Variants in DHRS1 observed in about 807,000 individuals in gnomAD.
DHRS1 encodes the protein dehydrogenase/reductase 1, also known as dehydrogenase/reductase SDR family member 1.
Under a neutral mutation model 35.2 loss-of-function variants are expected in DHRS1, and 34 were observed. The observed-to-expected ratio is 0.97, with a 90% confidence interval of 0.74 to 1.29. The LOEUF (loss-of-function observed/expected upper bound fraction) is 1.29, where lower values mean the gene tolerates loss of function less well. Among genes scored for constraint, DHRS1 ranks in the 50% most tolerant of loss-of-function variants. The pLI, the probability that DHRS1 is intolerant of heterozygous loss-of-function variation, is 0.00. For missense variants in DHRS1, 354 were observed against 403.6 expected (o/e 0.88, Z 1.05); for synonymous variants, 133 against 160.0 (o/e 0.83, Z 1.27).
chr14:24,298,953 T>G lies in DHRS1; in HGVS notation c.150+4A>C, dbSNP rs906596572. 1 of 1,600,760 alleles carries G rather than the reference T, an allele frequency of 6.2e-7. No homozygotes were observed. The highest frequency in any genetic ancestry group is 1.3e-5 in the African/African-American group (1 of 74,756). On this transcript the variant is annotated splice_donor_region_variant and intron_variant, in intron 2 of 8. Transcript: ENST00000288111. Reference sequence around the variant, plus strand: ...GCAACTGTGGTCCCAGAGGAAGCACTCACCTCCTGAGCAACAACGCGAAGG... The same window carrying G: ...GCAACTGTGGTCCCAGAGGAAGCACGCACCTCCTGAGCAACAACGCGAAGG...
chr14:24,293,167 T>G (rs2041191852), intron 4 of DHRS1: 1 of 181,244 alleles, frequency 5.5e-6, no homozygotes, highest in African/African-American at 2.4e-5. Context: ...ATGTAAATCA[T>G]CATTTCTATG....
At chr14:24,298,130 C>G (rs781576131) in intron 2 of DHRS1, among the ~76,000 whole-genome samples, 1 of 152,180 alleles carries the variant, frequency 6.6e-6, no homozygotes, top group Non-Finnish European at 1.5e-5. Context: ...ACTGCAACCT[C>G]GAACTCCTGG....
intron 4 of DHRS1, 95 bp from the exon 5 acceptor site, chr14:24,292,879 T>C: frequency 6.8e-7 from 1 of 1,471,098 alleles, no homozygotes; most frequent in Non-Finnish European, 9.0e-7. Context: ...CTGGTGGTTG[T>C]TGTCCACTAG....
rs183728955 is a variant in DHRS1, at chr14:24,298,810, C to G, written c.150+147G>C. 2.9e-6 allele frequency: 3 copies of G among 1,032,348 alleles called. No homozygotes were observed. The African/African-American group carries it at 5.0e-5, about 17-fold the overall frequency. The allele number at this position is 1,032,348 out of a possible 1,614,324, so 63.9% of individuals were successfully genotyped here. A position where few individuals can be genotyped will look rare whatever the true frequency, so the allele number is the denominator to read the frequency against. On this transcript the variant is annotated intron_variant, in intron 2 of 8. Coordinates refer to ENST00000288111, the MANE Select transcript of DHRS1 (RefSeq NM_001136050.3). ...ATTCTACCTTACCTGAAGTTATTTA[C>G]GGGGTTTTTAATTTCCACTTTGAAT...
rs575472175 is a variant in DHRS1, at chr14:24,291,092, A to G, written c.805+47T>C. 1.4e-5 allele frequency: 22 copies of G among 1,613,154 alleles called. No individual in the cohort carries two copies. The South Asian group carries it at 2.1e-4, about 15-fold the overall frequency. On this transcript the variant is annotated intron_variant, in intron 8 of 8. Coordinates refer to ENST00000288111, the MANE Select transcript of DHRS1 (RefSeq NM_001136050.3). ...AGACCGAGGGAGGAGTGGGCAGGGAACAGAGGGAACAGCAGTCAAGGCTGA... is the reference window on the plus strand; with the variant it reads ...AGACCGAGGGAGGAGTGGGCAGGGAGCAGAGGGAACAGCAGTCAAGGCTGA...
intron 2 of DHRS1, among the ~76,000 whole-genome samples, chr14:24,298,441 C>G (rs1000935069): frequency 7.2e-5 from 11 of 152,140 alleles, no homozygotes; most frequent in African/African-American, 2.7e-4. Flanking sequence ...CATGGATACT[C>G]AAATATTTAT....
chr14:24,296,948 A>G, intron 2 of DHRS1, 67 bp from the exon 3 acceptor site: 6 of 1,605,008 alleles, frequency 3.7e-6, no homozygotes, highest in Non-Finnish European at 5.1e-6. Flanking sequence ...AAACTCCCCA[A>G]CCAAAGTGGG....
In DHRS1 at chr14:24,290,659, TAAAA is replaced by T; in HGVS notation, c.*196_*199del. On this transcript the variant is annotated 3_prime_UTR_variant, in exon 9 of 9. Coordinates refer to ENST00000288111, the MANE Select transcript of DHRS1 (RefSeq NM_001136050.3). ...CATTTTTCAATACTAAGGCAAAAAGTAAAAAGAAGGACAAGGAAAACCAAGGCAC... is the reference window on the plus strand; with the variant it reads ...CATTTTTCAATACTAAGGCAAAAAGTAGAAGGACAAGGAAAACCAAGGCAC... 1.8e-6 allele frequency: 1 copy of T among 571,242 alleles called. No homozygotes were observed. Among genetic ancestry groups the T allele is most frequent in the South Asian group, 2.5e-5 (1 of 40,150 alleles). 35.4% of individuals were successfully genotyped at this position (571,242 alleles called of 1,614,324 possible). A position where few individuals can be genotyped will look rare whatever the true frequency, so the allele number is the denominator to read the frequency against.
chr14:24,290,898 C>T lies in DHRS1; in HGVS notation c.903G>A (p.Val301=). Residue 301 remains valine, a synonymous_variant, in exon 9 of 9, where the codon GTG becomes GTA. Coordinates refer to ENST00000288111, the MANE Select transcript of DHRS1 (RefSeq NM_001136050.3). The part of the protein sequence containing the change: ...LASYLPSFLR[V]PKWIIALYTS... ...TGTAGAGGGCAATAATCCACTTGGGCACACGGAGGAAGGAGGGCAGGTAGG... is the reference window on the plus strand; with the variant it reads ...TGTAGAGGGCAATAATCCACTTGGGTACACGGAGGAAGGAGGGCAGGTAGG... 6.2e-7 allele frequency: 1 copy of T among 1,613,880 alleles called. No individual in the cohort carries two copies. The highest frequency in any genetic ancestry group is 8.5e-7 in the Non-Finnish European group (1 of 1,179,954).
intron 8 of DHRS1, 24 bp downstream of exon 8, chr14:24,291,114 CT>C: frequency 6.2e-7 from 1 of 1,612,774 alleles, no homozygotes; most frequent in Non-Finnish European, 8.5e-7. Context: ...GCAGTCAAGG[CT>C]GACTGCTGTG....
rs2041179156 is a variant in DHRS1 at position 24,292,540 on chromosome 14, G to T, written c.507+112C>A. The T allele has an allele frequency of 2.5e-6, 4 of 1,574,258 alleles. No individual in the cohort carries two copies. The South Asian group carries it at 3.4e-5, about 13-fold the overall frequency. ...ACTGTCCATGGATGAGGCAGAGGAGGAGCTGAGAGGAGCCAGCCTTACCAT... is the reference window on the plus strand; with the variant it reads ...ACTGTCCATGGATGAGGCAGAGGAGTAGCTGAGAGGAGCCAGCCTTACCAT... On this transcript the variant is annotated intron_variant, in intron 5 of 8. Coordinates refer to ENST00000288111, the MANE Select transcript of DHRS1 (RefSeq NM_001136050.3).
chr14:24,291,535 C>T, intron 7 of DHRS1, 21 bp downstream of exon 7: 2 of 1,613,924 alleles, frequency 1.2e-6, no homozygotes, highest in South Asian at 1.1e-5. Flanking sequence ...TTTCTTATTA[C>T]CAGCTGCCCC....
chr14:24,298,957 C>T lies in DHRS1; in HGVS notation c.150G>A (p.Glu50=), dbSNP rs74731195. 3 of 1,605,256 alleles carry T rather than the reference C, an allele frequency of 1.9e-6. No individual in the cohort carries two copies. The highest frequency in any genetic ancestry group is 1.1e-5 in the South Asian group (1 of 90,712). The part of the protein sequence containing the change: ...HLDTLRVVAQ[E]AQSLGGQCVP... ...CTGTGGTCCCAGAGGAAGCACTCAC[C>T]TCCTGAGCAACAACGCGAAGGGTGT... Residue 50 remains glutamate, a splice_region_variant and synonymous_variant, in exon 2 of 9, where the codon GAG becomes GAA. Transcript: ENST00000288111.
Position 24,296,828 on chromosome 14 carries a change from C to G in DHRS1, c.204G>C (p.Glu68Asp), listed in dbSNP as rs2139101252. The G allele has an allele frequency of 6.2e-7, 1 of 1,614,272 alleles. No homozygotes were observed. The change falls in exon 3 of 9, where the codon GAG (glutamate) becomes GAC (aspartate). Residue 68 changes from glutamate (E) to aspartate (D), a missense_variant. Physicochemically the swap from Glu to Asp is conservative, Grantham distance 45. Coordinates refer to ENST00000288111, the MANE Select transcript of DHRS1 (RefSeq NM_001136050.3). ...GCTCAAACAGGCTTCGCACTTCACT[C>G]TCCTGGCTTGAATCGCACACCACAG... ...CVPVVCDSSQ[E>D]SEVRSLFEQV...
chr14:24,297,434 G>T (rs906945420), intron 2 of DHRS1, among the ~76,000 whole-genome samples: 1 of 152,168 alleles, frequency 6.6e-6, no homozygotes, highest in African/African-American at 2.4e-5. Flanking sequence ...CAACTTCAGA[G>T]GAAGAAGAGT....
At position 24,290,990 on chromosome 14, in the gene DHRS1, G is replaced by A. The variant is rs574079507; in HGVS notation, c.811C>T (p.Pro271Ser). 6.2e-7 allele frequency: 1 copy of A among 1,614,118 alleles called. No individual in the cohort carries two copies. Among genetic ancestry groups the A allele is most frequent in the African/African-American group, 1.3e-5 (1 of 75,030 alleles). Reference protein sequence around the residue: ...RYGLRDVDGRPVQDYLSLSSV... With the variant: ...RYGLRDVDGRSVQDYLSLSSV... The stretch of plus-strand genomic sequence containing the variant: ...CTCAAAGACAAATAGTCTTGGACGG[G>A]GCGGCCTGGGAACAACAGGAGGAGG... The change falls in exon 9 of 9, where the codon CCC becomes TCC. Residue 271 changes from proline to serine, a missense_variant. Coordinates refer to ENST00000288111, the MANE Select transcript of DHRS1 (RefSeq NM_001136050.3).
chr14:24,291,294 AG>A, intron 7 of DHRS1, 75 bp from the exon 8 acceptor site: 1 of 1,472,196 alleles, frequency 6.8e-7, no homozygotes, highest in Non-Finnish European at 9.5e-7. Context: ...CCAGTTGGAC[AG>A]GGCACTGCTG....
rs558748230 is a variant in DHRS1 at position 24,298,896 on chromosome 14, G to A, written c.150+61C>T. 1.3e-5 allele frequency: 20 copies of A among 1,533,372 alleles called. No homozygotes were observed. In the South Asian group the frequency reaches 2.4e-4, roughly 18 times the overall value. 95.0% of individuals were successfully genotyped at this position (1,533,372 alleles called of 1,614,324 possible). A position where few individuals can be genotyped will look rare whatever the true frequency, so the allele number is the denominator to read the frequency against. ...CAGGTAAGGGATTAGGAAAGGAGCT[G>A]TTAAGTGGAAGGGCTCTCTCGGGTG... On this transcript the variant is annotated intron_variant, in intron 2 of 8. Transcript: ENST00000288111.
At chr14:24,295,219 A>G (rs2041229369) in intron 4 of DHRS1, among the ~76,000 whole-genome samples, 1 of 152,216 alleles carries the variant, frequency 6.6e-6, no homozygotes, top group African/African-American at 2.4e-5. Context: ...GAAAGAATAT[A>G]TGCCAGGCTA....
Sources: gnomAD v4.1 joint callset for allele counts (sites outside exome capture counted in the v4.1 genomes callset) on GRCh38, gnomAD v4.1.1 for gene constraint, MANE v1.5 for transcripts, NCBI Gene and HGNC (gene_info 2026-07-23, HGNC 2026-07-21) for gene names.